The following ZEB1 variants were observed in gnomAD, a reference collection of about 807,000 sequenced individuals.
ZEB1 encodes zinc finger E-box-binding homeobox 1.
A neutral mutation model predicts 84.9 loss-of-function variants in ZEB1; 21 were observed. The observed-to-expected ratio is 0.25, with a 90% confidence interval of 0.18 to 0.36. ZEB1 has a LOEUF of 0.36. ZEB1 is among the 10% of genes least tolerant of loss of function. The probability of loss-of-function intolerance (pLI) is 1.00; values close to 1 mark genes in which losing one functional copy is unlikely to be tolerated. For missense variants in ZEB1, 1,104 were observed against 1,330.2 expected (o/e 0.83, Z 2.65); for synonymous variants, 420 against 471.1 (o/e 0.89, Z 1.41).
intron 1 of ZEB1, among the ~76,000 whole-genome samples, chr10:31,366,163 G>T (rs913094027): frequency 1.3e-5 from 2 of 152,050 alleles, no homozygotes; most frequent in Non-Finnish European, 2.9e-5. Flanking sequence ...TCTCTGACTA[G>T]CCCTGAACTT....
At chr10:31,327,867 G>C (rs2133165316) in intron 1 of ZEB1, among the ~76,000 whole-genome samples, 1 of 152,246 alleles carries the variant, frequency 6.6e-6, no homozygotes, top group South Asian at 2.1e-4. Context: ...AATATAATCT[G>C]ATAGTTGCTT....
At chr10:31,442,082 C>T (rs1370673510) in intron 1 of ZEB1, among the ~76,000 whole-genome samples, 2 of 152,196 alleles carry the variant, frequency 1.3e-5, no homozygotes, top group Non-Finnish European at 2.9e-5. Flanking sequence ...GATTATAAAT[C>T]ATGCTGCTAT....
intron 1 of ZEB1, among the ~76,000 whole-genome samples, chr10:31,404,416 C>T (rs2135554824): frequency 1.3e-5 from 2 of 152,086 alleles, no homozygotes; most frequent in Middle Eastern, 3.4e-3. Flanking sequence ...AACTTTGTAG[C>T]CTTGAAATCA....
chr10:31,505,978 C>A (rs2068909564), intron 4 of ZEB1, among the ~76,000 whole-genome samples: 1 of 151,702 alleles, frequency 6.6e-6, no homozygotes, highest in African/African-American at 2.4e-5. Flanking sequence ...ATTTTAATTT[C>A]ATTTAAAGAA....
intron 1 of ZEB1, chr10:31,321,632 A>G: frequency 6.3e-7 from 1 of 1,577,382 alleles, no homozygotes; most frequent in South Asian, 1.1e-5. Flanking sequence ...TGTGTGTGAC[A>G]TGTGAGTCTG....
intron 1 of ZEB1, among the ~76,000 whole-genome samples, chr10:31,396,043 T>A (rs1045104167): frequency 1.3e-5 from 2 of 152,214 alleles, no homozygotes; most frequent in Non-Finnish European, 2.9e-5. Flanking sequence ...AATACAATTT[T>A]AAAAATTAAA....
At chr10:31,398,991 CT>C (rs34530318) in intron 1 of ZEB1, among the ~76,000 whole-genome samples, 39,329 of 132,904 alleles carry the variant, frequency 0.3, 6,142 homozygotes, top group Non-Finnish European at 0.39. Flanking sequence ...GTCCTTTAGT[CT>C]TTTTTTTTTT....
intron 1 of ZEB1, among the ~76,000 whole-genome samples, chr10:31,420,428 A>G (rs930138778): frequency 1.3e-5 from 2 of 152,094 alleles, no homozygotes; most frequent in African/African-American, 4.8e-5. Context: ...GCTTGTAGGA[A>G]GGTTGCTTCT....
Position 31,391,366 on chromosome 10 carries a change from T to C in ZEB1, c.59-69671T>C, listed in dbSNP as rs1377311407. ...ACAGTCACCTGAAAGGTCTCAAATA[T>C]AGCTTTCGGTATATATTTTTCTTCC... On this transcript the variant is annotated intron_variant, in intron 1 of 8. Transcript: ENST00000424869. 1.3e-4 allele frequency among the ~76,000 whole-genome samples: 19 copies of C among 151,954 alleles called. 1 individual carries two copies. Among genetic ancestry groups the C allele is most frequent in the Non-Finnish European group, 2.1e-4 (14 of 67,956 alleles).
At chr10:31,379,759 G>A (rs761617341) in intron 1 of ZEB1, among the ~76,000 whole-genome samples, 219 of 150,782 alleles carry the variant, frequency 1.5e-3, no homozygotes, top group Non-Finnish European at 2.8e-3. Context: ...ATACACTTAA[G>A]AGAGACTAGT....
intron 1 of ZEB1, among the ~76,000 whole-genome samples, chr10:31,414,288 T>C (rs1486534373): frequency 1.3e-5 from 2 of 152,184 alleles, no homozygotes; most frequent in Non-Finnish European, 2.9e-5. Context: ...TAATAATAAC[T>C]CTACTGAATA....
intron 2 of ZEB1, among the ~76,000 whole-genome samples, chr10:31,482,532 A>G (rs2065181176): frequency 1.3e-5 from 2 of 151,764 alleles, no homozygotes; most frequent in Non-Finnish European, 2.9e-5. Context: ...AGGTCCCTAG[A>G]TAAGTTAATA....
At chr10:31,334,892 A>G (rs549515414) in intron 1 of ZEB1, among the ~76,000 whole-genome samples, 15 of 152,276 alleles carry the variant, frequency 9.9e-5, no homozygotes, top group African/African-American at 3.6e-4. Flanking sequence ...TCTTACAAAG[A>G]AAAAAATACC....
intron 1 of ZEB1, among the ~76,000 whole-genome samples, chr10:31,353,728 A>C (rs2041675208): frequency 6.6e-6 from 1 of 152,226 alleles, no homozygotes; most frequent in South Asian, 2.1e-4. Context: ...CAAAGGTTTG[A>C]TTATGAGTCA....
intron 1 of ZEB1, among the ~76,000 whole-genome samples, chr10:31,429,311 A>C (rs1008174345): frequency 1.3e-5 from 2 of 152,106 alleles, no homozygotes; most frequent in Admixed American, 1.3e-4. Flanking sequence ...TTTTTCCTTC[A>C]CTTATGAAGC....
intron 2 of ZEB1, among the ~76,000 whole-genome samples, chr10:31,490,051 C>T: frequency 6.6e-6 from 1 of 151,464 alleles, no homozygotes; most frequent in East Asian, 1.9e-4. Flanking sequence ...CTGATTATAA[C>T]TCTGTAGTCC....
intron 1 of ZEB1, among the ~76,000 whole-genome samples, chr10:31,423,139 G>A (rs367872787): frequency 1.2e-3 from 175 of 152,112 alleles, no homozygotes; most frequent in African/African-American, 4.1e-3. Context: ...TGGCATAGGA[G>A]TGTAAAATTA....
chr10:31,424,604 G>A (rs973250415), intron 1 of ZEB1, among the ~76,000 whole-genome samples: 7 of 151,932 alleles, frequency 4.6e-5, no homozygotes, highest in African/African-American at 1.7e-4. Flanking sequence ...TTATTTAAAA[G>A]TGTATGAGGC....
chr10:31,326,347 A>G (rs2035489863), intron 1 of ZEB1, among the ~76,000 whole-genome samples: 1 of 152,196 alleles, frequency 6.6e-6, no homozygotes, highest in Non-Finnish European at 1.5e-5. Context: ...CCTAAAGTTA[A>G]GTTGCTATTT....
Sources: allele counts gnomAD v4.1 joint callset (sites outside exome capture counted in the v4.1 genomes callset), GRCh38; gene constraint gnomAD v4.1.1; transcripts MANE v1.5; gene names NCBI Gene and HGNC (gene_info 2026-07-23, HGNC 2026-07-21).